Variants in CDH16 observed in about 807,000 individuals in gnomAD.
The protein encoded by CDH16 is cadherin-16.
A neutral mutation model predicts 87.6 loss-of-function variants in CDH16; 79 were observed. The observed-to-expected ratio is 0.90, with a 90% CI of 0.75 to 1.09. The LOEUF is 1.09. Among genes scored for constraint, CDH16 ranks in the 50% least tolerant of loss-of-function variants. CDH16 has a pLI of 0.00. For missense variants in CDH16, 1,124 were observed against 1,071.7 expected (o/e 1.05, Z -0.68); for synonymous variants, 457 against 439.5 (o/e 1.04, Z -0.50).
In CDH16 at chr16:66,910,243, C is replaced by A. The variant is rs532653872; in HGVS notation, c.2167+17G>T. On this transcript the variant is annotated intron_variant, in intron 15 of 17. Transcript: ENST00000299752. Reference sequence around the variant, plus strand: ...CCTGCCTTGGCCACAGCCTCCCTCCCTTTCCCCACCACACACCATTGAGAG... The same window carrying A: ...CCTGCCTTGGCCACAGCCTCCCTCCATTTCCCCACCACACACCATTGAGAG... 2 of 1,576,084 alleles carry A rather than the reference C, an allele frequency of 1.3e-6. No homozygotes were observed. The highest frequency in any genetic ancestry group is 4.5e-5 in the East Asian group (2 of 44,344).
chr16:66,911,713 C>T (rs999506672), intron 13 of CDH16, among the ~76,000 whole-genome samples, 186 bp downstream of exon 13: 1 of 152,204 alleles, frequency 6.6e-6, no homozygotes, highest in Admixed American at 6.5e-5. Context: ...GTCCAAAACA[C>T]CCCTCTCCAT....
At position 66,910,280 on chromosome 16, in the gene CDH16, C is replaced by A. The variant is rs771331281; in HGVS notation, c.2147G>T (p.Trp716Leu). ...CACACCATTGAGAGTCTGGAGGCGC[C>A]AATCCCGTTGCACCGTGGGGTTGGG... is the stretch of plus-strand genomic sequence containing the variant. Reference protein sequence around the residue: ...LGPNPTVQRDWRLQTLNGSHA... With the variant: ...LGPNPTVQRDLRLQTLNGSHA... The change falls in exon 15 of 18, where the codon TGG (tryptophan) becomes TTG (leucine). Residue 716 changes from tryptophan to leucine, a missense_variant. Physicochemically the swap from Trp to Leu is moderately conservative, Grantham distance 61 (BLOSUM62 -2). Transcript: ENST00000299752. The A allele has an allele frequency of 1.2e-6, 2 of 1,606,796 alleles. No individual in the cohort carries two copies. Among genetic ancestry groups the A allele is most frequent in the East Asian group, 4.5e-5 (2 of 44,778 alleles).
At chr16:66,914,082 G>A in intron 7 of CDH16, 134 bp downstream of exon 7, 1 of 736,648 alleles carries the variant, frequency 1.4e-6, no homozygotes, top group Non-Finnish European at 2.2e-6. Context: ...GTCCACAGTG[G>A]GAAGTAATGG....
At chr16:66,918,127 T>C in intron 1 of CDH16, 49 bp from the exon 2 acceptor site, 3 of 1,323,608 alleles carry the variant, frequency 2.3e-6, no homozygotes, top group Non-Finnish European at 3.1e-6. Flanking sequence ...AGGGAGGGGC[T>C]TTCCATCCCA....
In CDH16 at chr16:66,915,249, C is replaced by G. The variant is rs750106454; in HGVS notation, c.554G>C (p.Arg185Pro). ...GGGGCTGAGGGCCAGAGCCCCCAGC[C>G]GAGGCTCCAGCTGGAACATGTCTGG... The part of the protein sequence containing the change: ...PSPDMFQLEP[R>P]LGALALSPKG... Residue 185 changes from arginine to proline, a missense_variant, in exon 6 of 18, where the codon CGG becomes CCG. By Grantham distance (103) the Arg-to-Pro change is moderately radical. Transcript: ENST00000299752. The G allele has an allele frequency of 1.2e-6, 2 of 1,612,808 alleles. No individual in the cohort carries two copies. Among genetic ancestry groups the G allele is most frequent in the African/African-American group, 1.3e-5 (1 of 74,888 alleles).
In CDH16 at chr16:66,911,044, A is replaced by G. The variant is rs575583712; in HGVS notation, c.1924+138T>C. The G allele has an allele frequency of 5.2e-6, 4 of 776,262 alleles. No homozygotes were observed. The South Asian group carries it at 8.2e-5, about 16-fold the overall frequency. The allele number at this position is 776,262 out of a possible 1,614,324, so 48.1% of individuals were successfully genotyped here. On this transcript the variant is annotated intron_variant, in intron 14 of 17. Coordinates refer to ENST00000299752, the MANE Select transcript of CDH16 (RefSeq NM_004062.4). ...ATCCATTCTCAGAGAGGAACATTGA[A>G]CCCAGCTTCATATCTGCCTCTCCTG...
Position 66,910,514 on chromosome 16 carries a change from G to A in CDH16, c.1925-12C>T. ...CAGTCTCGGCTCATCTGCAGAGGAG[G>A]CAGTGCTGAGCTGGCCAGGTGTTGC... On this transcript the variant is annotated splice_polypyrimidine_tract_variant and intron_variant, in intron 14 of 17. Coordinates refer to ENST00000299752, the MANE Select transcript of CDH16 (RefSeq NM_004062.4). 1 of 1,492,714 alleles carries A rather than the reference G, an allele frequency of 6.7e-7. No homozygotes were observed. Among genetic ancestry groups the A allele is most frequent in the Non-Finnish European group, 9.0e-7 (1 of 1,117,288 alleles). 92.5% of individuals were successfully genotyped at this position (1,492,714 alleles called of 1,614,324 possible).
At position 66,909,329 on chromosome 16, in the gene CDH16, A is replaced by C; in HGVS notation, c.2330T>G (p.Met777Arg). 2 of 1,583,728 alleles carry C rather than the reference A, an allele frequency of 1.3e-6. No homozygotes were observed. The highest frequency in any genetic ancestry group is 1.7e-6 in the Non-Finnish European group (2 of 1,160,816). The change falls in exon 17 of 18, where the codon ATG becomes AGG. Residue 777 changes from methionine to arginine, a missense_variant. By Grantham distance (91) the Met-to-Arg change is moderately conservative. Coordinates refer to ENST00000299752, the MANE Select transcript of CDH16 (RefSeq NM_004062.4). The surrounding 1 kb of genome is among the most constrained non-coding windows in gnomAD (Gnocchi z 4.1). ...CGACAGCTTCGTGGGCATGCCCTTC[A>C]TGCGGCCCACCTTGCGCATGCACTG... is the stretch of plus-strand genomic sequence containing the variant. ...EGQCMRKVGR[M>R]KGMPTKLSAV...
rs1962662753 is a variant in CDH16, at chr16:66,916,002, C to T, written c.424+63G>A. On this transcript the variant is annotated intron_variant, in intron 5 of 17. Coordinates refer to ENST00000299752, the MANE Select transcript of CDH16 (RefSeq NM_004062.4). This position sits in a 1 kb window ranked among gnomAD's most constrained non-coding sequence, Gnocchi z 4.1. ...TGCCAACTGTCTGGCCATCTCTTCG[C>T]TCTCTGCTGTTCCATCAAGGCCCAC... is the stretch of plus-strand genomic sequence containing the variant. 2 of 1,600,184 alleles carry T rather than the reference C, an allele frequency of 1.2e-6. No homozygotes were observed. The highest frequency in any genetic ancestry group is 1.7e-6 in the Non-Finnish European group (2 of 1,170,360).
At chr16:66,910,706 C>A in intron 14 of CDH16, 1 of 533,478 alleles carries the variant, frequency 1.9e-6, no homozygotes, top group South Asian at 4.9e-5. Context: ...GCTGGGTCTG[C>A]CCTGTATCAC....
At position 66,912,687 on chromosome 16, in the gene CDH16, A is replaced by G. The variant is rs560955202; in HGVS notation, c.1259T>C (p.Met420Thr). 3.0e-4 allele frequency: 479 copies of G among 1,614,066 alleles called. 5 individuals carry two copies. In the South Asian group the frequency reaches 5.0e-3, roughly 17 times the overall value. ...GQNILLLVLA[M>T]DLAGAEGGFS... ...ACCACCCTCTGCGCCTGCCAGGTCC[A>G]TGGCCAGCACCAGAAGCAGGATGTT... The change falls in exon 10 of 18, where the codon ATG (methionine) becomes ACG (threonine). Residue 420 changes from methionine (M) to threonine (T), a missense_variant. Physicochemically the swap from Met to Thr is moderately conservative, Grantham distance 81. Coordinates refer to ENST00000299752, the MANE Select transcript of CDH16 (RefSeq NM_004062.4).
chr16:66,910,557 C>T, intron 14 of CDH16, 55 bp from the exon 15 acceptor site: 2 of 1,455,150 alleles, frequency 1.4e-6, no homozygotes, highest in Non-Finnish European at 1.8e-6. Context: ...AGGGTGAGCT[C>T]TGAGGTCCCT....
chr16:66,909,391 G>T lies in CDH16; in HGVS notation c.2276-8C>A, dbSNP rs941636280. ...TGCAGCGACACACGATCACTGAGGG[G>T]AGAGGGGAGGAAGGTAAGGGGAGGG... On this transcript the variant is annotated splice_polypyrimidine_tract_variant and splice_region_variant and intron_variant, in intron 16 of 17. Coordinates refer to ENST00000299752, the MANE Select transcript of CDH16 (RefSeq NM_004062.4). This position sits in a 1 kb window ranked among gnomAD's most constrained non-coding sequence, Gnocchi z 4.1. 4 of 1,070,350 alleles carry T rather than the reference G, an allele frequency of 3.7e-6. No individual in the cohort carries two copies. The highest frequency in any genetic ancestry group is 5.4e-6 in the Non-Finnish European group (4 of 739,736). The allele number at this position is 1,070,350 out of a possible 1,614,324, so 66.3% of individuals were successfully genotyped here.
chr16:66,915,721 C>G (rs568591494), intron 5 of CDH16, among the ~76,000 whole-genome samples: 1 of 152,162 alleles, frequency 6.6e-6, no homozygotes, highest in South Asian at 2.1e-4. Flanking sequence ...GGCGAAACCC[C>G]GTCTCTTTTA....
rs762340674 is a variant in CDH16, at chr16:66,911,953, G to T, written c.1736C>A (p.Ala579Asp). Residue 579 changes from alanine (A) to aspartate (D), a missense_variant, in exon 13 of 18, where the codon GCC becomes GAC. Ala to Asp is a moderately radical substitution (Grantham distance 126). Transcript: ENST00000299752. ...CTGGATGGTCAGCAGGAAAGAGCCG[G>T]CTGGGGCACTGATGGGGACACTGGC... ...YEASVPISAP[A>D]GSFLLTIQPS... The T allele has an allele frequency of 1.9e-5, 30 of 1,613,388 alleles. No homozygotes were observed. The highest frequency in any genetic ancestry group is 1.7e-4 in the Middle Eastern group (1 of 6,054).
rs754671115 is a variant in CDH16 at position 66,912,111 on chromosome 16, A to G, written c.1578T>C (p.His526=). ...CACTCTGCACCACCACCACCACCTC[A>G]TGACTTGGAGCTGCCTCATAACTGA... The part of the protein sequence containing the change: ...KNLSYEAAPS[H]EVVVVVQSVA... The change falls in exon 13 of 18, where the codon CAT becomes CAC. Residue 526 remains histidine, a synonymous_variant. Coordinates refer to ENST00000299752, the MANE Select transcript of CDH16 (RefSeq NM_004062.4). 1 of 1,613,750 alleles carries G rather than the reference A, an allele frequency of 6.2e-7. No individual in the cohort carries two copies. Among genetic ancestry groups the G allele is most frequent in the Non-Finnish European group, 8.5e-7 (1 of 1,179,834 alleles).
intron 3 of CDH16, 77 bp downstream of exon 3, chr16:66,917,565 A>AAGGGTGCC: frequency 2.0e-6 from 2 of 984,312 alleles, no homozygotes; most frequent in South Asian, 2.7e-5. Context: ...CAGCAAGAGG[A>AAGGGTGCC]AGGGTGCCAG....
In CDH16 at chr16:66,915,379, C is replaced by A. The variant is rs766979553; in HGVS notation, c.425-1G>T. 6.2e-7 allele frequency: 1 copy of A among 1,613,494 alleles called. No individual in the cohort carries two copies. Among genetic ancestry groups the A allele is most frequent in the Admixed American group, 1.7e-5 (1 of 59,954 alleles). ...GCCTCAAGGAAGAGGAAGGGGATGC[C>A]TGGTTCACGGTGGGAGGGCAAACTG... On this transcript the variant is annotated splice_acceptor_variant, in intron 5 of 17. Transcript: ENST00000299752. LOFTEE classifies it high-confidence loss of function.
chr16:66,912,614 G>A (rs199824423), intron 10 of CDH16, 34 bp from the exon 11 acceptor site: 76 of 1,614,106 alleles, frequency 4.7e-5, no homozygotes, highest in Non-Finnish European at 6.2e-5. Context: ...GTGAGGTCAG[G>A]GTAGGAACAG....
Sources: gnomAD v4.1 joint callset for allele counts (sites outside exome capture counted in the v4.1 genomes callset) on GRCh38, gnomAD v4.1.1 for gene constraint, Gnocchi (gnomAD v3.1) non-coding constraint, MANE v1.5 for transcripts, NCBI Gene and HGNC (gene_info 2026-07-23, HGNC 2026-07-21) for gene names.